TRPS1: variants seen among roughly 807,000 people sequenced by gnomAD.
The protein encoded by TRPS1 is transcriptional repressor GATA binding 1, also known as zinc finger transcription factor Trps1.
In TRPS1, 6 loss-of-function variants were observed where a neutral mutation model predicts 101.2. The ratio of observed to expected loss-of-function variants is 0.06; its 90% CI spans 0.03 to 0.12. The LOEUF is 0.12. Among genes scored for constraint, TRPS1 ranks in the 10% least tolerant of loss-of-function variants. The pLI is 1.00. For synonymous variants in TRPS1, 578 were observed against 589.8 expected, an observed-to-expected ratio of 0.98 and a Z score of 0.29; for missense variants, 1,363 against 1,567.0, an observed-to-expected ratio of 0.87 and a Z score of 2.20.
chr8:115,458,077 T>C (rs1044116328), intron 5 of TRPS1, among the ~76,000 whole-genome samples: 3 of 152,110 alleles, frequency 2.0e-5, no homozygotes, highest in Admixed American at 1.3e-4. Flanking sequence ...TTTTGACACT[T>C]GCATATGACT....
intron 5 of TRPS1, among the ~76,000 whole-genome samples, chr8:115,461,381 A>G (rs934946857): frequency 6.6e-6 from 1 of 152,178 alleles, no homozygotes; most frequent in African/African-American, 2.4e-5. Flanking sequence ...GAGGTAATAG[A>G]CAAATGATAG....
In TRPS1 at chr8:115,410,497, AAT is replaced by A. The variant is rs1445916202; in HGVS notation, c.*3524_*3525del. 2 of 152,460 alleles carry A rather than the reference AAT, an allele frequency of 1.3e-5. No individual in the cohort carries two copies. Among genetic ancestry groups the A allele is most frequent in the African/African-American group, 4.8e-5 (2 of 41,428 alleles). The allele number at this position is 152,460 out of a possible 1,614,324, so 9.4% of individuals were successfully genotyped here. ...TTAAAAGTTGATTAAAAAAAATCTC[AAT>A]ATGTCATGTAGAGAGAATTGGGCAT... is the stretch of plus-strand genomic sequence containing the variant. On this transcript the variant is annotated 3_prime_UTR_variant, in exon 7 of 7. Transcript: ENST00000395715.
At chr8:115,583,220 T>G (rs1446064367) in intron 5 of TRPS1, among the ~76,000 whole-genome samples, 1 of 152,050 alleles carries the variant, frequency 6.6e-6, no homozygotes, top group Non-Finnish European at 1.5e-5. Context: ...TACAGTTGCA[T>G]CTGCATAAAT....
At chr8:115,657,449 G>GA (rs1811700731) in intron 1 of TRPS1, among the ~76,000 whole-genome samples, 1 of 152,076 alleles carries the variant, frequency 6.6e-6, no homozygotes, top group African/African-American at 2.4e-5. Context: ...AGAAGCCTGT[G>GA]ACTGATGTTA....
chr8:115,444,984 A>G (rs1813697582), intron 5 of TRPS1, among the ~76,000 whole-genome samples: 1 of 152,252 alleles, frequency 6.6e-6, no homozygotes, highest in African/African-American at 2.4e-5. Flanking sequence ...CTTCGTTTAT[A>G]ACTTTCATCT....
At chr8:115,428,420 A>G (rs560984915) in intron 5 of TRPS1, among the ~76,000 whole-genome samples, 1 of 152,290 alleles carries the variant, frequency 6.6e-6, no homozygotes, top group South Asian at 2.1e-4. Context: ...AACTCTAAAC[A>G]TTTTTTATAG....
At chr8:115,625,637 A>T (rs530299787) in intron 1 of TRPS1, among the ~76,000 whole-genome samples, 1 of 152,076 alleles carries the variant, frequency 6.6e-6, no homozygotes, top group Non-Finnish European at 1.5e-5. Flanking sequence ...TTTAAGAAAG[A>T]AAGATATGCT....
chr8:115,608,445 T>C (rs1818088478), intron 3 of TRPS1, among the ~76,000 whole-genome samples: 1 of 152,238 alleles, frequency 6.6e-6, no homozygotes, highest in South Asian at 2.1e-4. Context: ...GATACTTACA[T>C]TGTAAGATTT....
chr8:115,559,766 T>C (rs996098908), intron 5 of TRPS1, among the ~76,000 whole-genome samples: 3 of 152,128 alleles, frequency 2.0e-5, no homozygotes, highest in Admixed American at 6.6e-5. Flanking sequence ...CTGTAAAATC[T>C]TACCCTTGAA....
intron 5 of TRPS1, among the ~76,000 whole-genome samples, chr8:115,452,480 C>A (rs1172037109): frequency 6.6e-6 from 1 of 152,082 alleles, no homozygotes; most frequent in South Asian, 2.1e-4. Flanking sequence ...ATGGGGGGGT[C>A]TCTTGTTTGA....
At chr8:115,627,515 C>A (rs895806421) in intron 1 of TRPS1, among the ~76,000 whole-genome samples, 2 of 151,604 alleles carry the variant, frequency 1.3e-5, no homozygotes, top group Non-Finnish European at 1.5e-5. Flanking sequence ...AGTAGCTCAT[C>A]GAAGAGTATA....
chr8:115,479,802 T>C (rs1266279340), intron 5 of TRPS1, among the ~76,000 whole-genome samples: 3 of 152,150 alleles, frequency 2.0e-5, no homozygotes, highest in Non-Finnish European at 4.4e-5. Flanking sequence ...AAAGCCAGAA[T>C]GATCAATGAC....
At chr8:115,437,887 A>G (rs1813495081) in intron 5 of TRPS1, among the ~76,000 whole-genome samples, 1 of 152,156 alleles carries the variant, frequency 6.6e-6, no homozygotes, top group Non-Finnish European at 1.5e-5. Context: ...ACTACTTTCT[A>G]TATTCTTTCT....
chr8:115,504,089 T>C (rs1815383288), intron 5 of TRPS1, among the ~76,000 whole-genome samples: 1 of 152,204 alleles, frequency 6.6e-6, no homozygotes, highest in Admixed American at 6.5e-5. Flanking sequence ...TTTTATTCCC[T>C]AAACCTTCTC....
At chr8:115,540,961 ATCTT>A (rs971772501) in intron 5 of TRPS1, among the ~76,000 whole-genome samples, 2 of 152,112 alleles carry the variant, frequency 1.3e-5, no homozygotes, top group African/African-American at 4.8e-5. Context: ...TTTTTATTAA[ATCTT>A]TCTTTCTGAA....
intron 5 of TRPS1, among the ~76,000 whole-genome samples, chr8:115,424,976 T>C (rs569112074): frequency 2.2e-4 from 33 of 152,254 alleles, no homozygotes; most frequent in African/African-American, 7.5e-4. Context: ...CCCTCCAAAA[T>C]AGAATTAACC....
At chr8:115,647,075 C>T (rs1811428072) in intron 1 of TRPS1, among the ~76,000 whole-genome samples, 1 of 152,030 alleles carries the variant, frequency 6.6e-6, no homozygotes, top group South Asian at 2.1e-4. Context: ...GTTAAAATGG[C>T]CACCTCACAT....
Position 115,533,434 on chromosome 8 carries a change from C to CTTTTTTTTTTTTT in TRPS1, c.2700+53566_2700+53567insAAAAAAAAAAAAA, listed in dbSNP as rs1427634638. On this transcript the variant is annotated intron_variant, in intron 5 of 6. Transcript: ENST00000395715. ...AAGGGGCCCGCTTCCCACATGTAAT[C>CTTTTTTTTTTTTT]TGTTTTTTTTTTTTTTTTTTTTTTT... 1.7e-3 allele frequency among the ~76,000 whole-genome samples: 56 copies of CTTTTTTTTTTTTT among 32,290 alleles called. 1 individual carries two copies. Among genetic ancestry groups the CTTTTTTTTTTTTT allele is most frequent in the South Asian group, 7.2e-3 (6 of 834 alleles). 21.2% of individuals were successfully genotyped at this position (32,290 alleles called of 152,430 possible).
intron 5 of TRPS1, among the ~76,000 whole-genome samples, chr8:115,514,896 G>C (rs1815672555): frequency 6.6e-6 from 1 of 151,502 alleles, no homozygotes; most frequent in Non-Finnish European, 1.5e-5. Flanking sequence ...GATCTTTATA[G>C]TGCCATATGT....
Sources: allele counts gnomAD v4.1 joint callset (sites outside exome capture counted in the v4.1 genomes callset), GRCh38; gene constraint gnomAD v4.1.1; transcripts MANE v1.5; gene names NCBI Gene and HGNC (gene_info 2026-07-23, HGNC 2026-07-21).